The following DLG2 variants were observed in gnomAD, a reference collection of about 807,000 sequenced individuals.
DLG2 encodes disks large homolog 2.
A neutral mutation model predicts 132.5 loss-of-function variants in DLG2; 45 were observed. The observed-to-expected ratio is 0.34, with a 90% confidence interval of 0.27 to 0.44. DLG2 has a LOEUF of 0.44. Ranked by LOEUF, DLG2 falls within the 20% of genes least tolerant of loss-of-function variation. The pLI is 1.00. For synonymous variants in DLG2, 424 were observed against 419.6 expected (o/e 1.01, Z -0.13); for missense variants, 1,045 against 1,196.9 (o/e 0.87, Z 1.87).
At chr11:83,477,424 A>G (rs1377049250) in intron 22 of DLG2, among the ~76,000 whole-genome samples, 1 of 152,116 alleles carries the variant, frequency 6.6e-6, no homozygotes, top group Non-Finnish European at 1.5e-5. Flanking sequence ...AACCTATTTT[A>G]TAATGCTTGA....
intron 3 of DLG2, among the ~76,000 whole-genome samples, chr11:85,409,237 A>C (rs143190983): frequency 1.3e-5 from 2 of 151,924 alleles, no homozygotes; most frequent in African/African-American, 4.8e-5. Flanking sequence ...CCCAGGTCAC[A>C]TAGCCAGAGA....
At chr11:84,612,928 A>G (rs992357764) in intron 6 of DLG2, among the ~76,000 whole-genome samples, 2 of 152,186 alleles carry the variant, frequency 1.3e-5, no homozygotes, top group Non-Finnish European at 2.9e-5. Context: ...GATTTTGTTC[A>G]TTCCAATATG....
At chr11:85,514,663 A>AT (rs1175866662) in intron 3 of DLG2, among the ~76,000 whole-genome samples, 1 of 151,918 alleles carries the variant, frequency 6.6e-6, no homozygotes, top group Non-Finnish European at 1.5e-5. Flanking sequence ...TTCTCTATGC[A>AT]TTAGCTGTTT....
At chr11:84,821,024 AGAAT>A (rs908697633) in intron 6 of DLG2, among the ~76,000 whole-genome samples, 2 of 151,966 alleles carry the variant, frequency 1.3e-5, no homozygotes, top group African/African-American at 4.8e-5. Context: ...AGATTATAAT[AGAAT>A]GAATGAATGA....
intron 10 of DLG2, among the ~76,000 whole-genome samples, chr11:84,063,681 CT>C (rs1336397939): frequency 6.6e-6 from 1 of 152,080 alleles, no homozygotes; most frequent in African/African-American, 2.4e-5. Flanking sequence ...TATTGCGGCA[CT>C]ATTCACAATA....
chr11:83,790,107 C>T, intron 17 of DLG2: 5 of 943,470 alleles, frequency 5.3e-6, no homozygotes, highest in Non-Finnish European at 8.0e-6. Flanking sequence ...AACCGAGACA[C>T]TGGCTTGGCC....
intron 8 of DLG2, among the ~76,000 whole-genome samples, chr11:84,178,688 T>C (rs112977972): frequency 3.3e-5 from 5 of 152,030 alleles, no homozygotes; most frequent in African/African-American, 9.6e-5. Flanking sequence ...TCTGGCTACG[T>C]TGATCTAAAG....
rs7943906 is a variant in DLG2, at chr11:85,375,125, C to T, written c.41-89760G>A. Among the ~76,000 whole-genome samples the T allele has an allele frequency of 9.4e-3, 1,416 of 150,862 alleles. 17 individuals carry two copies. The highest frequency in any genetic ancestry group is 0.031 in the African/African-American group (1,274 of 41,000). On this transcript the variant is annotated intron_variant, in intron 3 of 27. Transcript: ENST00000376104. ...TTTTTTTATCCTGGAACATTTTCTACATTCACAAGTAAGGTATTATTTCTC... is the reference window on the plus strand; with the variant it reads ...TTTTTTTATCCTGGAACATTTTCTATATTCACAAGTAAGGTATTATTTCTC...
rs191798692 is a variant in DLG2 at position 84,941,590 on chromosome 11, C to T, written c.357+170071G>A. The stretch of plus-strand genomic sequence containing the variant: ...TGAGATAGATCCCCCTTGATCACAA[C>T]GAGTGATCTTTTTAATGTGTTGTTG... On this transcript the variant is annotated intron_variant, in intron 6 of 27. Coordinates refer to ENST00000376104, the MANE Select transcript of DLG2 (RefSeq NM_001142699.3). 2.4e-4 allele frequency among the ~76,000 whole-genome samples: 37 copies of T among 151,870 alleles called. No homozygotes were observed. The East Asian group carries it at 2.9e-3, about 12-fold the overall frequency.
At chr11:85,231,637 T>A (rs1306419146) in intron 4 of DLG2, among the ~76,000 whole-genome samples, 1 of 151,960 alleles carries the variant, frequency 6.6e-6, no homozygotes, top group Non-Finnish European at 1.5e-5. Flanking sequence ...GTTGACATCA[T>A]CAGAGTGACG....
intron 9 of DLG2, among the ~76,000 whole-genome samples, chr11:84,115,451 G>A (rs962845549): frequency 6.6e-6 from 1 of 152,136 alleles, no homozygotes; most frequent in Non-Finnish European, 1.5e-5. Context: ...TTGCAACCCT[G>A]AGCATTTTGG....
intron 17 of DLG2, among the ~76,000 whole-genome samples, chr11:83,811,692 A>G (rs919351114): frequency 3.3e-5 from 5 of 152,114 alleles, no homozygotes; most frequent in Admixed American, 3.3e-4. Context: ...TTTTAGCCTC[A>G]GGAAATGTGA....
At chr11:85,451,192 G>A (rs565478578) in intron 3 of DLG2, among the ~76,000 whole-genome samples, 36 of 152,146 alleles carry the variant, frequency 2.4e-4, no homozygotes, top group African/African-American at 8.7e-4. Flanking sequence ...AAGTCTAATG[G>A]CTAGCCTTGA....
intron 3 of DLG2, among the ~76,000 whole-genome samples, chr11:85,448,234 C>T (rs769143956): frequency 1.3e-5 from 2 of 152,138 alleles, no homozygotes; most frequent in South Asian, 4.1e-4. Flanking sequence ...AATTTCTAAT[C>T]TAAACTAGAC....
intron 4 of DLG2, among the ~76,000 whole-genome samples, chr11:85,274,474 A>C (rs1160346712): frequency 6.6e-6 from 1 of 152,232 alleles, no homozygotes; most frequent in Non-Finnish European, 1.5e-5. Flanking sequence ...TGAATAAATA[A>C]CTAGGTACTA....
intron 3 of DLG2, among the ~76,000 whole-genome samples, chr11:85,421,926 A>G (rs1425493403): frequency 6.6e-6 from 1 of 152,052 alleles, no homozygotes; most frequent in South Asian, 2.1e-4. Context: ...AAAAGGCTGC[A>G]TCTTTCCTTC....
intron 3 of DLG2, among the ~76,000 whole-genome samples, chr11:85,511,867 A>T (rs1440101200): frequency 6.6e-6 from 1 of 151,882 alleles, no homozygotes; most frequent in African/African-American, 2.4e-5. Context: ...CACAGGCATT[A>T]GGACTATAGG....
intron 7 of DLG2, among the ~76,000 whole-genome samples, chr11:84,452,312 A>T (rs79104446): frequency 0.029 from 4,354 of 151,818 alleles, 214 homozygotes; most frequent in African/African-American, 0.098. Context: ...TAGGTGAAGG[A>T]AGAAGTGTGG....
intron 9 of DLG2, among the ~76,000 whole-genome samples, chr11:84,159,957 G>T (rs1192801187): frequency 6.6e-6 from 1 of 152,194 alleles, no homozygotes; most frequent in African/African-American, 2.4e-5. Context: ...TATGGGAAAT[G>T]ATAGAACCAA....
Sources: allele counts gnomAD v4.1 joint callset (sites outside exome capture counted in the v4.1 genomes callset), GRCh38; gene constraint gnomAD v4.1.1; transcripts MANE v1.5; gene names NCBI Gene and HGNC (gene_info 2026-07-23, HGNC 2026-07-21).